Variants in LAPTM4A observed in about 807,000 individuals in gnomAD.
LAPTM4A encodes the protein lysosomal-associated transmembrane protein 4A.
Under a neutral mutation model 29.9 loss-of-function variants are expected in LAPTM4A, and 19 were observed. The ratio of observed to expected loss-of-function variants is 0.64; its 90% CI spans 0.44 to 0.93. The LOEUF (loss-of-function observed/expected upper bound fraction) is 0.93. Ranked by LOEUF, LAPTM4A falls within the 40% of genes least tolerant of loss-of-function variation. LAPTM4A has a pLI of 0.00. For missense variants in LAPTM4A, 293 were observed against 288.5 expected, an observed-to-expected ratio of 1.02 and a Z score of -0.11; for synonymous variants, 105 against 102.1, an observed-to-expected ratio of 1.03 and a Z score of -0.17.
At chr2:20,038,766 C>T (rs1181774973) in intron 2 of LAPTM4A, among the ~76,000 whole-genome samples, 2 of 151,916 alleles carry the variant, frequency 1.3e-5, no homozygotes, top group Admixed American at 6.6e-5. Context: ...TTACTTGAGG[C>T]CAGGAGTTCA....
In LAPTM4A at chr2:20,032,678, T is replaced by C. The variant is rs968157051; in HGVS notation, c.*527A>G. 6.5e-6 allele frequency: 1 copy of C among 152,866 alleles called. No individual in the cohort carries two copies. 9.5% of individuals were successfully genotyped at this position (152,866 alleles called of 1,614,324 possible). A position where few individuals can be genotyped will look rare whatever the true frequency, so the allele number is the denominator to read the frequency against. On this transcript the variant is annotated 3_prime_UTR_variant, in exon 7 of 7. Coordinates refer to ENST00000175091, the MANE Select transcript of LAPTM4A (RefSeq NM_014713.5). Reference sequence around the variant, plus strand: ...GTATTTAAAGAGATTTATTAAATCATCTTATCACAAAGATGGAAACATATA... The same window carrying C: ...GTATTTAAAGAGATTTATTAAATCACCTTATCACAAAGATGGAAACATATA...
rs1673611825 is a variant in LAPTM4A, at chr2:20,033,289, G to A, written c.628-10C>T. ...AGGTTGGCAAAACGTACTAAAGAGA[G>A]AAAAAAAATTGTATCAGATTTAATT... On this transcript the variant is annotated splice_polypyrimidine_tract_variant and intron_variant, in intron 6 of 6. Transcript: ENST00000175091. 4 of 1,606,698 alleles carry A rather than the reference G, an allele frequency of 2.5e-6. No homozygotes were observed. The highest frequency in any genetic ancestry group is 2.6e-6 in the Non-Finnish European group (3 of 1,173,482).
intron 5 of LAPTM4A, 88 bp downstream of exon 5, chr2:20,034,879 C>T: frequency 1.1e-6 from 1 of 904,490 alleles, no homozygotes; most frequent in Admixed American, 2.0e-5. Context: ...CCTCAATCTC[C>T]TGTGACTTGT....
chr2:20,051,269 T>C (rs1265755564), intron 1 of LAPTM4A, 141 bp downstream of exon 1: 7 of 674,792 alleles, frequency 1.0e-5, no homozygotes, highest in Admixed American at 2.3e-5. Context: ...TTGGACTTCA[T>C]CCAGAGTTGG....
At chr2:20,045,711 A>T (rs144323288) in intron 1 of LAPTM4A, among the ~76,000 whole-genome samples, 8 of 152,332 alleles carry the variant, frequency 5.3e-5, no homozygotes, top group African/African-American at 1.9e-4. Flanking sequence ...TATCAGATCC[A>T]TGGAAGCACA....
At chr2:20,037,177 A>C in intron 4 of LAPTM4A, 139 bp downstream of exon 4, 2 of 656,934 alleles carry the variant, frequency 3.0e-6, no homozygotes, top group South Asian at 5.9e-5. Context: ...TAGCTAAGAG[A>C]GCAGAAATAA....
chr2:20,033,946 C>T (rs79723860), intron 6 of LAPTM4A, among the ~76,000 whole-genome samples: 6,855 of 152,230 alleles, frequency 0.045, 184 homozygotes, highest in Non-Finnish European at 0.073. Context: ...TCAGCTCCCC[C>T]GTTGGATCAT....
Position 20,033,226 on chromosome 2 carries a change from T to C in LAPTM4A, c.681A>G (p.Pro227=). The C allele has an allele frequency of 6.2e-7, 1 of 1,613,850 alleles. No homozygotes were observed. Among genetic ancestry groups the C allele is most frequent in the Non-Finnish European group, 8.5e-7 (1 of 1,179,916 alleles). Residue 227 remains proline (P), a synonymous_variant, in exon 7 of 7, where the codon CCA becomes CCG. Coordinates refer to ENST00000175091, the MANE Select transcript of LAPTM4A (RefSeq NM_014713.5). ...MAVKMPEKEP[P]PPYLPA Reference sequence around the variant, plus strand: ...TTCTTCAGGCAGGTAAGTAAGGAGGTGGTGGTTCTTTTTCAGGCATTTTCA... The same window carrying C: ...TTCTTCAGGCAGGTAAGTAAGGAGGCGGTGGTTCTTTTTCAGGCATTTTCA...
At chr2:20,041,526 G>T (rs1181013197) in intron 1 of LAPTM4A, among the ~76,000 whole-genome samples, 1 of 152,114 alleles carries the variant, frequency 6.6e-6, no homozygotes, top group Non-Finnish European at 1.5e-5. Flanking sequence ...TTGTGTGTGT[G>T]TGTGTATGTG....
At chr2:20,047,157 A>C (rs1673942920) in intron 1 of LAPTM4A, among the ~76,000 whole-genome samples, 1 of 151,738 alleles carries the variant, frequency 6.6e-6, no homozygotes, top group Non-Finnish European at 1.5e-5. Context: ...TGGGAGGCCA[A>C]GGCAGGCAGA....
intron 1 of LAPTM4A, among the ~76,000 whole-genome samples, chr2:20,042,013 C>T (rs1673811755): frequency 6.6e-6 from 1 of 152,182 alleles, no homozygotes. Flanking sequence ...ACACATGCTC[C>T]AGTTTGATGG....
At position 20,051,045 on chromosome 2, in the gene LAPTM4A, A is replaced by G. The variant is rs140725122; in HGVS notation, c.111+365T>C. Among the ~76,000 whole-genome samples, 78 of 152,274 alleles carry G rather than the reference A, an allele frequency of 5.1e-4. 1 individual carries two copies. Among genetic ancestry groups the G allele is most frequent in the African/African-American group, 1.7e-3 (69 of 41,558 alleles). On this transcript the variant is annotated intron_variant, in intron 1 of 6. Coordinates refer to ENST00000175091, the MANE Select transcript of LAPTM4A (RefSeq NM_014713.5). ...GGAGCACTGGATAGGAGGAAGGGAG[A>G]TGCTGCCTTTCAGATCGTAGAAATA...
intron 1 of LAPTM4A, among the ~76,000 whole-genome samples, chr2:20,050,101 C>T (rs1674021038): frequency 6.6e-6 from 1 of 152,132 alleles, no homozygotes; most frequent in Admixed American, 6.6e-5. Context: ...TATAAAAGTA[C>T]AGGAAACATG....
intron 1 of LAPTM4A, among the ~76,000 whole-genome samples, chr2:20,044,633 GA>G (rs1673872521): frequency 6.6e-6 from 1 of 152,100 alleles, no homozygotes; most frequent in Non-Finnish European, 1.5e-5. Context: ...CTCTTCCATG[GA>G]TAAGTCACAC....
At chr2:20,043,064 G>C (rs35030383) in intron 1 of LAPTM4A, among the ~76,000 whole-genome samples, 1 of 147,022 alleles carries the variant, frequency 6.8e-6, no homozygotes, top group Non-Finnish European at 1.5e-5. Flanking sequence ...CTCAGTCCCC[G>C]GGGTAGCTGG....
chr2:20,043,421 G>A (rs1673849154), intron 1 of LAPTM4A, among the ~76,000 whole-genome samples: 1 of 152,014 alleles, frequency 6.6e-6, no homozygotes, highest in African/African-American at 2.4e-5. Context: ...TCGCCACGTT[G>A]GCCAGGCTGG....
At chr2:20,039,335 A>C (rs1437096614) in intron 2 of LAPTM4A, among the ~76,000 whole-genome samples, 5 of 152,252 alleles carry the variant, frequency 3.3e-5, no homozygotes, top group African/African-American at 1.2e-4. Context: ...AAGAATTTAA[A>C]GGACTTCCCT....
At position 20,037,316 on chromosome 2, in the gene LAPTM4A, T is replaced by C. The variant is rs1395775200; in HGVS notation, c.432A>G (p.Leu144=). ...AAGTTTAATGAGCATACACACTTACTAGTTGATCCAGATATTCTTTGATTC... is the reference window on the plus strand; with the variant it reads ...AAGTTTAATGAGCATACACACTTACCAGTTGATCCAGATATTCTTTGATTC... ...LPRIKEYLDQ[L]PDFPYKDDLL... is the part of the protein sequence containing the mutation. The change falls in exon 4 of 7, where the codon CTA becomes CTG. Residue 144 remains leucine (L), a splice_region_variant and synonymous_variant. Transcript: ENST00000175091. The C allele has an allele frequency of 1.1e-5, 18 of 1,606,970 alleles. No individual in the cohort carries two copies. Among genetic ancestry groups the C allele is most frequent in the Non-Finnish European group, 1.4e-5 (17 of 1,176,994 alleles).
Position 20,034,899 on chromosome 2 carries a change from G to A in LAPTM4A, c.528+68C>T. The A allele has an allele frequency of 7.2e-6, 8 of 1,117,626 alleles. No homozygotes were observed. In the South Asian group the frequency reaches 9.3e-5, roughly 13 times the overall value. 69.2% of individuals were successfully genotyped at this position (1,117,626 alleles called of 1,614,324 possible). A position where few individuals can be genotyped will look rare whatever the true frequency, so the allele number is the denominator to read the frequency against. On this transcript the variant is annotated intron_variant, in intron 5 of 6. Transcript: ENST00000175091. ...ATCTCCTGTGACTTGTAAGGTGAAA[G>A]GCAGCAAAAAGGTTTAGATTCACAG...
Sources: allele counts gnomAD v4.1 joint callset (sites outside exome capture counted in the v4.1 genomes callset), GRCh38; gene constraint gnomAD v4.1.1; transcripts MANE v1.5; gene names NCBI Gene and HGNC (gene_info 2026-07-23, HGNC 2026-07-21).